SNAP91: variants seen among roughly 807,000 people sequenced by gnomAD.
SNAP91 encodes the protein synaptosome associated protein 91.
A neutral mutation model predicts 100.3 loss-of-function variants in SNAP91; 27 were observed. The ratio of observed to expected loss-of-function variants is 0.27; its 90% CI spans 0.20 to 0.37. The LOEUF (loss-of-function observed/expected upper bound fraction) is 0.37. Ranked by LOEUF, SNAP91 falls within the 10% of genes least tolerant of loss-of-function variation. The pLI is 1.00. For synonymous variants in SNAP91, 404 were observed against 398.6 expected (o/e 1.01, Z -0.16); for missense variants, 986 against 1,123.7 (o/e 0.88, Z 1.75).
At chr6:83,638,707 A>C (rs2097557244) in intron 8 of SNAP91, among the ~76,000 whole-genome samples, 1 of 152,218 alleles carries the variant, frequency 6.6e-6, no homozygotes, top group Non-Finnish European at 1.5e-5. Context: ...AATTGTGTTC[A>C]AAGAGACAAT....
intron 26 of SNAP91, among the ~76,000 whole-genome samples, chr6:83,573,495 A>T (rs947315879): frequency 3.9e-4 from 60 of 152,240 alleles, no homozygotes; most frequent in African/African-American, 1.1e-3. Context: ...CATTGCCAAG[A>T]CAATCCTAAG....
intron 14 of SNAP91, among the ~76,000 whole-genome samples, chr6:83,603,196 A>G (rs1430929187): frequency 6.6e-6 from 1 of 152,122 alleles, no homozygotes; most frequent in Non-Finnish European, 1.5e-5. Flanking sequence ...GTGTTTATCA[A>G]AAAAACTTTA....
chr6:83,658,070 T>C lies in SNAP91; in HGVS notation c.546+929A>G, dbSNP rs918183706. ...AGTTTGGGATTACAGGCGTGAGCCA[T>C]GCCCAGCCTCAAGATTCTTCAAAAT... On this transcript the variant is annotated intron_variant, in intron 6 of 29. Transcript: ENST00000369694. Among the ~76,000 whole-genome samples, 6 of 151,972 alleles carry C rather than the reference T, an allele frequency of 3.9e-5. No individual in the cohort carries two copies. In the East Asian group the frequency reaches 1.2e-3, roughly 29 times the overall value.
At chr6:83,667,936 C>T (rs2098717334) in intron 2 of SNAP91, among the ~76,000 whole-genome samples, 1 of 152,084 alleles carries the variant, frequency 6.6e-6, no homozygotes, top group African/African-American at 2.4e-5. Context: ...ACTCATCTGA[C>T]AAAGGGCTAA....
chr6:83,555,229 A>T (rs1012958542), intron 29 of SNAP91, among the ~76,000 whole-genome samples: 3 of 151,982 alleles, frequency 2.0e-5, no homozygotes, highest in African/African-American at 7.2e-5. Flanking sequence ...ATAAGAAAAA[A>T]AAAACAAATC....
intron 5 of SNAP91, among the ~76,000 whole-genome samples, chr6:83,659,824 G>A (rs1241800112): frequency 2.0e-5 from 3 of 151,792 alleles, no homozygotes; most frequent in African/African-American, 4.8e-5. Flanking sequence ...TGTATGACTT[G>A]GAGTACAAGG....
intron 3 of SNAP91, among the ~76,000 whole-genome samples, chr6:83,664,217 T>C (rs1353762674): frequency 2.0e-5 from 3 of 152,158 alleles, no homozygotes; most frequent in Admixed American, 6.6e-5. Flanking sequence ...TAACACAACA[T>C]TCATTGTGCA....
chr6:83,586,884 T>C (rs1279707163), intron 22 of SNAP91, among the ~76,000 whole-genome samples: 2 of 151,964 alleles, frequency 1.3e-5, no homozygotes, highest in South Asian at 2.1e-4. Context: ...GAAGTTGTCC[T>C]CTCCAGAATT....
At chr6:83,567,721 A>G (rs1357721143) in intron 26 of SNAP91, among the ~76,000 whole-genome samples, 1 of 152,218 alleles carries the variant, frequency 6.6e-6, no homozygotes, top group Non-Finnish European at 1.5e-5. Context: ...AAAAGAAGAC[A>G]TGCAGCCAAA....
intron 8 of SNAP91, among the ~76,000 whole-genome samples, chr6:83,637,943 G>A (rs1018545285): frequency 2.0e-5 from 3 of 152,140 alleles, no homozygotes; most frequent in Non-Finnish European, 2.9e-5. Context: ...GTGCCAGACT[G>A]CTTCCAGGCC....
intron 8 of SNAP91, among the ~76,000 whole-genome samples, chr6:83,638,297 A>C (rs1299562958): frequency 6.6e-6 from 1 of 151,344 alleles, no homozygotes; most frequent in Non-Finnish European, 1.5e-5. Context: ...CAGCATGATG[A>C]TTCACTCGAT....
At chr6:83,634,585 C>G (rs1379029320) in intron 8 of SNAP91, among the ~76,000 whole-genome samples, 2 of 152,144 alleles carry the variant, frequency 1.3e-5, no homozygotes, top group Non-Finnish European at 2.9e-5. Flanking sequence ...CAAGTTGGAG[C>G]TGCAATCTAG....
intron 2 of SNAP91, among the ~76,000 whole-genome samples, chr6:83,699,827 T>C (rs2129043309): frequency 6.6e-6 from 1 of 152,294 alleles, no homozygotes; most frequent in Middle Eastern, 3.4e-3. Flanking sequence ...GACAGATAAA[T>C]TCTCCTAAAA....
chr6:83,593,569 G>GGCAGCA lies in SNAP91; in HGVS notation c.1599_1604dup (p.Ala534_Ala535dup), dbSNP rs769494882. 3 of 1,554,370 alleles carry GGCAGCA rather than the reference G, an allele frequency of 1.9e-6. No individual in the cohort carries two copies. Among genetic ancestry groups the GGCAGCA allele is most frequent in the Non-Finnish European group, 2.6e-6 (3 of 1,146,964 alleles). On this transcript the variant is annotated inframe_insertion, in exon 18 of 30. Transcript: ENST00000369694. Reference sequence around the variant, plus strand: ...TGGCAGCGGCGGTGGCAGCAGTAGTGGCAGCAGCAGCAGCTGCAACGGCAG... The same window carrying GGCAGCA: ...TGGCAGCGGCGGTGGCAGCAGTAGTGGCAGCAGCAGCAGCAGCAGCTGCAACGGCAG...
intron 2 of SNAP91, among the ~76,000 whole-genome samples, chr6:83,681,337 T>C (rs1367228393): frequency 6.6e-6 from 1 of 152,182 alleles, no homozygotes; most frequent in Non-Finnish European, 1.5e-5. Flanking sequence ...GAGCAGTCAC[T>C]GCTTCTGAGG....
At chr6:83,638,886 G>C (rs1471794668) in intron 8 of SNAP91, among the ~76,000 whole-genome samples, 1 of 152,090 alleles carries the variant, frequency 6.6e-6, no homozygotes, top group Non-Finnish European at 1.5e-5. Context: ...AGAAAACTAA[G>C]AATAACTTGG....
At chr6:83,641,583 C>G (rs2097704017) in intron 7 of SNAP91, among the ~76,000 whole-genome samples, 1 of 152,138 alleles carries the variant, frequency 6.6e-6, no homozygotes, top group African/African-American at 2.4e-5. Flanking sequence ...TCCTTATTTT[C>G]TTATTAGCTC....
At position 83,594,482 on chromosome 6, in the gene SNAP91, C is replaced by T. The variant is rs1490907302; in HGVS notation, c.1325-1G>A. The T allele has an allele frequency of 6.7e-7, 1 of 1,495,238 alleles. No individual in the cohort carries two copies. The highest frequency in any genetic ancestry group is 8.9e-7 in the Non-Finnish European group (1 of 1,124,998). 92.6% of individuals were successfully genotyped at this position (1,495,238 alleles called of 1,614,324 possible). ...TCCCCAGGAGAAGCTGCAAAGGCAT[C>T]TTGGGTGCGGTTTTTAAAACAGCAG... On this transcript the variant is annotated splice_acceptor_variant, in intron 16 of 29. Coordinates refer to ENST00000369694, the MANE Select transcript of SNAP91 (RefSeq NM_001242792.2). LOFTEE classifies it high-confidence loss of function.
intron 14 of SNAP91, among the ~76,000 whole-genome samples, chr6:83,603,767 C>G (rs1180604414): frequency 1.3e-5 from 2 of 152,162 alleles, no homozygotes; most frequent in African/African-American, 2.4e-5. Context: ...CCCCCTTGCC[C>G]TGCCTTTGAG....
Sources: allele counts gnomAD v4.1 joint callset (sites outside exome capture counted in the v4.1 genomes callset), GRCh38; gene constraint gnomAD v4.1.1; transcripts MANE v1.5; gene names NCBI Gene and HGNC (gene_info 2026-07-23, HGNC 2026-07-21).